PKIG: variants seen among roughly 807,000 people sequenced by gnomAD.
PKIG encodes cAMP-dependent protein kinase inhibitor gamma, also known as protein kinase (cAMP-dependent, catalytic) inhibitor gamma.
Under a neutral mutation model 6.8 loss-of-function variants are expected in PKIG, and 1 was observed. The observed-to-expected ratio is 0.15, with a 90% CI of 0.05 to 0.69. The LOEUF is 0.69. PKIG is among the 30% of genes least tolerant of loss of function. The pLI, the probability that PKIG is intolerant of heterozygous loss-of-function variation, is 0.82. For synonymous variants in PKIG, 39 were observed against 43.0 expected (o/e 0.91, Z 0.36); for missense variants, 77 against 104.0 (o/e 0.74, Z 1.13).
At chr20:44,602,697 CG>C (rs1555839748) in intron 2 of PKIG, among the ~76,000 whole-genome samples, 1 of 151,830 alleles carries the variant, frequency 6.6e-6, no homozygotes, top group Non-Finnish European at 1.5e-5. Flanking sequence ...AAAAATTAGC[CG>C]GGTATGTTGG....
chr20:44,618,282 CAGA>C lies in PKIG; in HGVS notation c.152_154del (p.Glu51del), dbSNP rs1258717170. ...AAGAAAAACCTCTTTCTCTCCTCTC[CAGA>C]AGGACAGGTGGAGGGAAGCGCCCCA... On this transcript the variant is annotated splice_acceptor_variant and coding_sequence_variant, in exon 4 of 4. Coordinates refer to ENST00000372886, the MANE Select transcript of PKIG (RefSeq NM_001281445.2). LOFTEE classifies it high-confidence loss of function. 18 of 1,606,662 alleles carry C rather than the reference CAGA, an allele frequency of 1.1e-5. No individual in the cohort carries two copies. Among genetic ancestry groups the C allele is most frequent in the Admixed American group, 1.7e-5 (1 of 59,982 alleles).
chr20:44,579,819 T>C (rs2064932270), upstream of PKIG, among the ~76,000 whole-genome samples: 1 of 152,228 alleles, frequency 6.6e-6, no homozygotes, highest in Non-Finnish European at 1.5e-5. Flanking sequence ...CTTACTATTA[T>C]TTTTGTTCAA....
intron 1 of PKIG, among the ~76,000 whole-genome samples, chr20:44,554,426 C>G (rs1033954200): frequency 6.6e-6 from 1 of 152,156 alleles, no homozygotes; most frequent in African/African-American, 2.4e-5. Flanking sequence ...TAGTGAAATG[C>G]TCATGACAAA....
At chr20:44,596,132 G>T (rs374424622) in intron 2 of PKIG, among the ~76,000 whole-genome samples, 10 of 152,282 alleles carry the variant, frequency 6.6e-5, no homozygotes, top group East Asian at 1.9e-4. Context: ...GAAAGGCAGG[G>T]TACCTACCCT....
intron 2 of PKIG, among the ~76,000 whole-genome samples, chr20:44,613,325 C>A (rs2065235915): frequency 6.6e-6 from 1 of 152,080 alleles, no homozygotes; most frequent in Non-Finnish European, 1.5e-5. Flanking sequence ...GCCACCACGC[C>A]CGGCTAATTT....
chr20:44,598,100 G>A (rs890925300), intron 2 of PKIG, among the ~76,000 whole-genome samples: 7 of 152,206 alleles, frequency 4.6e-5, no homozygotes, highest in Non-Finnish European at 7.3e-5. Context: ...GGCCAGCACC[G>A]CTGAAGGCTG....
At chr20:44,587,698 T>A (rs987832821) in intron 1 of PKIG, among the ~76,000 whole-genome samples, 17 of 152,096 alleles carry the variant, frequency 1.1e-4, no homozygotes. Flanking sequence ...CACTCAGTGA[T>A]TTCACTTCTC....
chr20:44,546,768 G>T (rs568589268), intron 1 of PKIG, among the ~76,000 whole-genome samples: 7 of 106,328 alleles, frequency 6.6e-5, no homozygotes, highest in African/African-American at 1.1e-4. Context: ...GACCAGGTTG[G>T]TCTCGAGCTC....
chr20:44,546,421 T>G (rs1425798439), intron 1 of PKIG, among the ~76,000 whole-genome samples: 3 of 152,236 alleles, frequency 2.0e-5, no homozygotes, highest in African/African-American at 7.2e-5. Context: ...ACTTTGTTTC[T>G]TAAGTTGTTA....
At position 44,614,408 on chromosome 20, in the gene PKIG, C is replaced by T; in HGVS notation, c.-23-126C>T. 2 of 674,920 alleles carry T rather than the reference C, an allele frequency of 3.0e-6. No individual in the cohort carries two copies. The highest frequency in any genetic ancestry group is 5.3e-5 in the Admixed American group (2 of 37,940). The allele number at this position is 674,920 out of a possible 1,614,324, so 41.8% of individuals were successfully genotyped here. On this transcript the variant is annotated intron_variant, in intron 2 of 3. Transcript: ENST00000372886. The surrounding 1 kb of genome is among the most constrained non-coding windows in gnomAD (Gnocchi z 4.6). ...TCTTTGTACTTTTCTGTGCTTTTTG[C>T]TTTGTTTTCAATAAGAGGCAATAAC...
chr20:44,617,638 GAGA>G (rs1474771706), intron 3 of PKIG, among the ~76,000 whole-genome samples: 1 of 152,100 alleles, frequency 6.6e-6, no homozygotes, highest in African/African-American at 2.4e-5. Flanking sequence ...GGATGGATTT[GAGA>G]AGGAGGTACA....
chr20:44,614,319 C>T lies in PKIG; in HGVS notation c.-23-215C>T, dbSNP rs2065244515. 1 of 477,580 alleles carries T rather than the reference C, an allele frequency of 2.1e-6. No individual in the cohort carries two copies. Among genetic ancestry groups the T allele is most frequent in the East Asian group, 3.6e-5 (1 of 27,702 alleles). The allele number at this position is 477,580 out of a possible 1,614,324, so 29.6% of individuals were successfully genotyped here. ...AATTTTATTTAAAGAAAAGTCTGAG[C>T]CCATGTTCTTTAAAATGTTGATGGT... On this transcript the variant is annotated intron_variant, in intron 2 of 3. Coordinates refer to ENST00000372886, the MANE Select transcript of PKIG (RefSeq NM_001281445.2). The surrounding 1 kb of genome is among the most constrained non-coding windows in gnomAD (Gnocchi z 4.6).
chr20:44,560,786 C>G (rs779355500), intron 1 of PKIG, among the ~76,000 whole-genome samples: 16 of 152,198 alleles, frequency 1.1e-4, no homozygotes, highest in Non-Finnish European at 2.2e-4. Flanking sequence ...CATCAGGCAG[C>G]TGGCAGAAGC....
intron 1 of PKIG, among the ~76,000 whole-genome samples, chr20:44,584,001 A>ACGCATACACTAG (rs1286754356): frequency 6.6e-6 from 1 of 152,178 alleles, no homozygotes; most frequent in Non-Finnish European, 1.5e-5. Context: ...GTATGTGCAC[A>ACGCATACACTAG]CGCATACACT....
chr20:44,565,267 C>G (rs1007277348), intron 1 of PKIG, among the ~76,000 whole-genome samples: 1 of 152,158 alleles, frequency 6.6e-6, no homozygotes, highest in African/African-American at 2.4e-5. Context: ...ATAAAATTTT[C>G]CATCTACTAA....
chr20:44,603,029 T>C (rs1444333936), intron 2 of PKIG, among the ~76,000 whole-genome samples: 2 of 152,156 alleles, frequency 1.3e-5, no homozygotes, highest in South Asian at 4.1e-4. Context: ...TTCCCTGTAA[T>C]CTAGAACATC....
intron 1 of PKIG, among the ~76,000 whole-genome samples, chr20:44,576,374 CAT>C (rs781448619): frequency 1.3e-5 from 2 of 152,018 alleles, no homozygotes; most frequent in Non-Finnish European, 1.5e-5. Flanking sequence ...TAAGAAGAGA[CAT>C]AGGAGTACCA....
intron 1 of PKIG, among the ~76,000 whole-genome samples, chr20:44,535,373 G>T (rs2064503020): frequency 6.6e-6 from 1 of 152,218 alleles, no homozygotes; most frequent in Non-Finnish European, 1.5e-5. Flanking sequence ...TGGCACGGTG[G>T]CTTACGCCTG....
intron 1 of PKIG, among the ~76,000 whole-genome samples, chr20:44,584,777 T>A (rs1249488337): frequency 6.6e-6 from 1 of 151,324 alleles, no homozygotes; most frequent in Non-Finnish European, 1.5e-5. Flanking sequence ...TGGAGTGCAA[T>A]GGTGCAGTCT....
Sources: allele counts gnomAD v4.1 joint callset (sites outside exome capture counted in the v4.1 genomes callset), GRCh38; gene constraint gnomAD v4.1.1; non-coding constraint Gnocchi (gnomAD v3.1); transcripts MANE v1.5; gene names NCBI Gene and HGNC (gene_info 2026-07-23, HGNC 2026-07-21).